The following MYO16 variants were observed in gnomAD, a reference collection of about 807,000 sequenced individuals.
MYO16 encodes myosin XVI.
A neutral mutation model predicts 205.3 loss-of-function variants in MYO16; 94 were observed. That is an observed-to-expected ratio of 0.46 (90% CI 0.39 to 0.54). The LOEUF (loss-of-function observed/expected upper bound fraction) is 0.54, where lower values mean the gene tolerates loss of function less well. Ranked by LOEUF, MYO16 falls within the 20% of genes least tolerant of loss-of-function variation. The pLI, the probability that MYO16 is intolerant of heterozygous loss-of-function variation, is 0.00. For missense variants in MYO16, 2,315 were observed against 2,387.5 expected, an observed-to-expected ratio of 0.97 and a Z score of 0.63; for synonymous variants, 988 against 954.0, an observed-to-expected ratio of 1.04 and a Z score of -0.66.
intron 12 of MYO16, among the ~76,000 whole-genome samples, chr13:108,873,591 G>GGGACAGGGTCCATGCCAACCACCA (rs1566382216): frequency 4.2e-4 from 64 of 151,958 alleles, no homozygotes; most frequent in African/African-American, 1.5e-3. Context: ...TCCACCAACC[G>GGGACAGGGTCCATGCCAACCACCA]GGACAGGGTC....
the MYO16 span, among the ~76,000 whole-genome samples, chr13:108,559,674 G>GTTT: frequency 6.0e-5 from 9 of 151,138 alleles, no homozygotes; most frequent in Non-Finnish European, 1.0e-4. Context: ...GGGGTTTCAC[G>GTTT]TCAGCCCGGA....
intron 27 of MYO16, among the ~76,000 whole-genome samples, chr13:109,061,615 A>G (rs67896967): frequency 0.084 from 12,823 of 152,222 alleles, 589 homozygotes; most frequent in African/African-American, 0.11. Context: ...GTTTTCTTAT[A>G]TCGGTGTGGT....
At position 108,644,362 on chromosome 13, in the gene MYO16, GTCTATCTATCTATCTA is replaced by G. The variant is rs68036528; in HGVS notation, c.28+14529_28+14544del. ...TATTCTACCATCTATCTGTCTGTCT[GTCTATCTATCTATCTA>G]TCTATCTATCTATCTATCTATCTAT... On this transcript the variant is annotated intron_variant, in intron 1 of 34. Coordinates refer to ENST00000457511, the MANE Select transcript of MYO16 (RefSeq NM_001198950.3). Among the ~76,000 whole-genome samples the G allele has an allele frequency of 4.8e-3, 714 of 148,104 alleles. 3 individuals are homozygous for G. Among genetic ancestry groups the G allele is most frequent in the Middle Eastern group, 0.031 (9 of 286 alleles).
Position 108,629,707 on chromosome 13 carries a change from G to T in MYO16, c.-138G>T. ...AAGCTTTTTGCAGGATCATGGAACAGAGCCTCCATGCAATAGTGCATCCTG... is the reference window on the plus strand; with the variant it reads ...AAGCTTTTTGCAGGATCATGGAACATAGCCTCCATGCAATAGTGCATCCTG... On this transcript the variant is annotated 5_prime_UTR_variant, in exon 1 of 35. Transcript: ENST00000457511. 1 of 707,216 alleles carries T rather than the reference G, an allele frequency of 1.4e-6. No individual in the cohort carries two copies. The highest frequency in any genetic ancestry group is 2.2e-5 in the South Asian group (1 of 45,576). The allele number at this position is 707,216 out of a possible 1,614,324, so 43.8% of individuals were successfully genotyped here.
chr13:109,012,757 A>G lies in MYO16; in HGVS notation c.2595+3708A>G, dbSNP rs938062189. Among the ~76,000 whole-genome samples the G allele has an allele frequency of 6.8e-4, 95 of 140,518 alleles. 7 individuals are homozygous for G. 92.2% of individuals were successfully genotyped at this position (140,518 alleles called of 152,430 possible). A position where few individuals can be genotyped will look rare whatever the true frequency, so the allele number is the denominator to read the frequency against. The stretch of plus-strand genomic sequence containing the variant: ...TTGCTCTCAGATGAGATTTATTTCA[A>G]ATTGTTGTTATATGTGTGTGTGTAT... On this transcript the variant is annotated intron_variant, in intron 22 of 34. Transcript: ENST00000457511.
Position 109,140,895 on chromosome 13 carries a change from C to G in MYO16, c.4683C>G (p.Ser1561=), listed in dbSNP as rs542831750. ...PVQPEGSSPL[S]PQYSKSQKGD... ...AGCCGGAGGGGTCGAGCCCGCTGTC[C>G]CCGCAGTACTCCAAGAGCCAGAAGG... Residue 1561 remains serine, a synonymous_variant, in exon 32 of 35, where the codon TCC becomes TCG. Transcript: ENST00000457511. This position sits in a 1 kb window ranked among gnomAD's most constrained non-coding sequence, Gnocchi z 8.0. The G allele has an allele frequency of 8.8e-6, 14 of 1,590,514 alleles. No individual in the cohort carries two copies. The African/African-American group carries it at 1.5e-4, about 17-fold the overall frequency.
intron 31 of MYO16, among the ~76,000 whole-genome samples, chr13:109,136,919 T>G (rs1035566309): frequency 1.3e-5 from 2 of 152,246 alleles, no homozygotes; most frequent in East Asian, 1.9e-4. Context: ...CCTCTCCAAC[T>G]TAGTAGCTTA....
chr13:108,703,810 C>T (rs1237946994), intron 2 of MYO16, among the ~76,000 whole-genome samples: 2 of 152,210 alleles, frequency 1.3e-5, no homozygotes, highest in East Asian at 1.9e-4. Context: ...TTTGTCCTTC[C>T]CTGTCCCCTC....
intron 28 of MYO16, among the ~76,000 whole-genome samples, chr13:109,113,308 G>A (rs1233383821): frequency 6.8e-6 from 1 of 147,240 alleles, no homozygotes; most frequent in Non-Finnish European, 1.5e-5. Context: ...GGGAGGGATG[G>A]AGAGAGGAAG....
chr13:108,644,436 A>G (rs548955597), intron 1 of MYO16, among the ~76,000 whole-genome samples: 7 of 152,138 alleles, frequency 4.6e-5, no homozygotes, highest in African/African-American at 1.7e-4. Flanking sequence ...AATTACTGCA[A>G]CCCATGAGCT....
At chr13:108,533,873 A>G in the MYO16 span, among the ~76,000 whole-genome samples, 4 of 152,210 alleles carry the variant, frequency 2.6e-5, no homozygotes, top group African/African-American at 9.7e-5. Flanking sequence ...GAACATATAT[A>G]GCACCCTGCA....
At chr13:108,772,315 A>C (rs1340584362) in intron 4 of MYO16, among the ~76,000 whole-genome samples, 5 of 146,776 alleles carry the variant, frequency 3.4e-5, no homozygotes. Context: ...GCACCACTGC[A>C]CTCCAGCCTG....
chr13:108,798,819 C>T (rs1886880968), intron 6 of MYO16, among the ~76,000 whole-genome samples: 1 of 145,636 alleles, frequency 6.9e-6, no homozygotes, highest in South Asian at 2.2e-4. Flanking sequence ...CATTCTCCTG[C>T]CTCAGCCTCC....
intron 1 of MYO16, among the ~76,000 whole-genome samples, chr13:108,640,794 A>G (rs73604761): frequency 0.068 from 10,368 of 152,280 alleles, 571 homozygotes; most frequent in African/African-American, 0.15. Context: ...AACGACAACC[A>G]TAAGAGCAAC....
chr13:109,017,747 G>C (rs2139507345), intron 22 of MYO16, among the ~76,000 whole-genome samples: 1 of 152,118 alleles, frequency 6.6e-6, no homozygotes, highest in South Asian at 2.1e-4. Context: ...TCTTCCAGTT[G>C]ATTGAATCAG....
intron 31 of MYO16, among the ~76,000 whole-genome samples, chr13:109,132,789 G>A (rs996313678): frequency 6.6e-6 from 1 of 152,154 alleles, no homozygotes; most frequent in Non-Finnish European, 1.5e-5. Flanking sequence ...CACCTATGAC[G>A]CAGTTGTACA....
the MYO16 span, among the ~76,000 whole-genome samples, chr13:108,559,813 C>T: frequency 6.6e-6 from 1 of 152,076 alleles, no homozygotes; most frequent in Non-Finnish European, 1.5e-5. Flanking sequence ...CATGCAAGTG[C>T]ACAATCACTG....
intron 28 of MYO16, among the ~76,000 whole-genome samples, chr13:109,107,751 G>A (rs1189431233): frequency 6.7e-6 from 1 of 150,220 alleles, no homozygotes; most frequent in African/African-American, 2.4e-5. Context: ...ATAAGCATTA[G>A]GAACCTAAGA....
intron 24 of MYO16, 87 bp from the exon 25 acceptor site, chr13:109,052,213 T>A (rs922026977): frequency 5.5e-5 from 63 of 1,155,170 alleles, no homozygotes; most frequent in Admixed American, 1.5e-4. Context: ...AATGTATCAG[T>A]GGCTAGAGCT....
Sources: allele counts gnomAD v4.1 joint callset (sites outside exome capture counted in the v4.1 genomes callset), GRCh38; gene constraint gnomAD v4.1.1; non-coding constraint Gnocchi (gnomAD v3.1); transcripts MANE v1.5; gene names NCBI Gene and HGNC (gene_info 2026-07-23, HGNC 2026-07-21).